The following ABCA13 variants were observed in gnomAD, a reference collection of about 807,000 sequenced individuals.
ABCA13 encodes ATP-binding cassette sub-family A member 13.
ABCA13 carries 476 observed loss-of-function variants against 478.7 expected under a neutral mutation model. The ratio of observed to expected loss-of-function variants is 0.99; its 90% confidence interval spans 0.92 to 1.07. The LOEUF (loss-of-function observed/expected upper bound fraction) is 1.07, where lower values mean the gene tolerates loss of function less well. ABCA13 is among the 50% of genes least tolerant of loss of function. The pLI, the probability that ABCA13 is intolerant of heterozygous loss-of-function variation, is 0.00. For missense variants in ABCA13, 6,060 were observed against 5,910.6 expected, an observed-to-expected ratio of 1.03 and a Z score of -0.83; for synonymous variants, 2,252 against 2,158.9, an observed-to-expected ratio of 1.04 and a Z score of -1.20.
intron 5 of ABCA13, among the ~76,000 whole-genome samples, chr7:48,222,051 C>CA (rs946136893): frequency 9.2e-5 from 14 of 151,530 alleles, no homozygotes; most frequent in African/African-American, 2.9e-4. Flanking sequence ...TTAGACAGCT[C>CA]AAAAAAAATA....
At chr7:48,251,672 ATTATT>A (rs1438885872) in intron 15 of ABCA13, among the ~76,000 whole-genome samples, 1 of 151,750 alleles carries the variant, frequency 6.6e-6, no homozygotes, top group East Asian at 1.9e-4. Context: ...AAATATGTAT[ATTATT>A]TTATTAATTT....
chr7:48,460,431 G>A (rs1417908178), intron 43 of ABCA13, among the ~76,000 whole-genome samples: 1 of 152,086 alleles, frequency 6.6e-6, no homozygotes, highest in Non-Finnish European at 1.5e-5. Context: ...GCCTTGACTT[G>A]TGGCAGCATC....
rs536238169 is a variant in ABCA13 at position 48,362,851 on chromosome 7, G to A, written c.10689-4943G>A. The stretch of plus-strand genomic sequence containing the variant: ...TAATGTTGCCTTTTGTACTGTTAAA[G>A]ACACTTATACTAATATTCTACATTT... On this transcript the variant is annotated intron_variant, in intron 31 of 61. Coordinates refer to ENST00000435803, the MANE Select transcript of ABCA13 (RefSeq NM_152701.5). 1.3e-4 allele frequency among the ~76,000 whole-genome samples: 20 copies of A among 152,036 alleles called. No individual in the cohort carries two copies. The South Asian group carries it at 4.2e-3, about 32-fold the overall frequency.
At chr7:48,583,606 G>T (rs1034587425) in intron 56 of ABCA13, among the ~76,000 whole-genome samples, 1 of 152,138 alleles carries the variant, frequency 6.6e-6, no homozygotes, top group Non-Finnish European at 1.5e-5. Context: ...CAATGCATCC[G>T]CAAACGAAAG....
In ABCA13 at chr7:48,455,356, A is replaced by G. The variant is rs1166915961; in HGVS notation, c.12815+70A>G. 4 of 1,485,858 alleles carry G rather than the reference A, an allele frequency of 2.7e-6. No individual in the cohort carries two copies. The African/African-American group carries it at 5.6e-5, about 21-fold the overall frequency. The allele number at this position is 1,485,858 out of a possible 1,614,324, so 92.0% of individuals were successfully genotyped here. On this transcript the variant is annotated intron_variant, in intron 43 of 61. Transcript: ENST00000435803. ...GATTATGAATTGCAATAGCTTCGAT[A>G]CTTTTGAGAATTCTAGATAAAAACT...
intron 48 of ABCA13, among the ~76,000 whole-genome samples, chr7:48,505,138 G>A (rs544032216): frequency 1.3e-5 from 2 of 152,244 alleles, no homozygotes; most frequent in East Asian, 1.9e-4. Flanking sequence ...CTGTACAGTG[G>A]ATTTGCTGAA....
chr7:48,557,595 G>T (rs1785974519), intron 55 of ABCA13, among the ~76,000 whole-genome samples: 1 of 152,024 alleles, frequency 6.6e-6, no homozygotes, highest in Non-Finnish European at 1.5e-5. Context: ...TATGTTATTT[G>T]TTTCCTTTCT....
intron 27 of ABCA13, among the ~76,000 whole-genome samples, chr7:48,335,137 T>C (rs1181319978): frequency 6.6e-6 from 1 of 152,176 alleles, no homozygotes; most frequent in East Asian, 1.9e-4. Flanking sequence ...ATTTGGTCAG[T>C]ATATACTGGG....
At chr7:48,233,934 A>C in intron 7 of ABCA13, 84 bp from the exon 8 acceptor site, 1 of 1,507,504 alleles carries the variant, frequency 6.6e-7, no homozygotes, top group Non-Finnish European at 9.0e-7. Flanking sequence ...TAGAGGTGAA[A>C]AAAGGTATTT....
At chr7:48,329,772 A>T (rs111065494) in intron 27 of ABCA13, among the ~76,000 whole-genome samples, 8,201 of 132,426 alleles carry the variant, frequency 0.062, 573 homozygotes, top group African/African-American at 0.17. Context: ...CATCTATGCA[A>T]TCATCCACCC....
At chr7:48,404,343 G>T in intron 39 of ABCA13, 1 of 190,372 alleles carries the variant, frequency 5.3e-6, no homozygotes, top group Non-Finnish European at 1.1e-5. Context: ...ATCTATTATT[G>T]TTTCTTTCCA....
intron 7 of ABCA13, among the ~76,000 whole-genome samples, chr7:48,231,373 C>G (rs972692825): frequency 6.6e-6 from 1 of 152,012 alleles, no homozygotes; most frequent in Non-Finnish European, 1.5e-5. Flanking sequence ...GGGAGCATTT[C>G]CAGGAAGAGA....
intron 55 of ABCA13, among the ~76,000 whole-genome samples, chr7:48,562,110 GGGA>G (rs145539822): frequency 0.13 from 18,846 of 146,548 alleles, 1,480 homozygotes; most frequent in African/African-American, 0.2. Context: ...TGTATGGGGG[GGGA>G]GGTGGATACA....
chr7:48,516,852 C>T lies in ABCA13; in HGVS notation c.13768C>T (p.Arg4590Trp), dbSNP rs79049908. The change falls in exon 52 of 62, where the codon CGG (arginine) becomes TGG (tryptophan). Residue 4590 changes from arginine (R) to tryptophan (W), a missense_variant. By Grantham distance (101) the Arg-to-Trp change is moderately radical. This residue lies in a region of ABCA13 where 1,627 missense variants were observed against 1,571.0 expected (regional missense o/e 1.04). Coordinates refer to ENST00000435803, the MANE Select transcript of ABCA13 (RefSeq NM_152701.5). Reference sequence around the variant, plus strand: ...TACCATGCTCATAACCATTATGCCCCGGTTGCTAGCCATCATCTCCAAAGC... The same window carrying T: ...TACCATGCTCATAACCATTATGCCCTGGTTGCTAGCCATCATCTCCAAAGC... ...LCTMLITIMPRLLAIISKAKN... is the reference protein window; with the variant it reads ...LCTMLITIMPWLLAIISKAKN... 3,579 of 1,613,650 alleles carry T rather than the reference C, an allele frequency of 2.2e-3. 7 individuals are homozygous for T. Among genetic ancestry groups the T allele is most frequent in the Non-Finnish European group, 2.8e-3 (3,321 of 1,179,662 alleles).
chr7:48,460,223 T>A (rs542734351), intron 43 of ABCA13, among the ~76,000 whole-genome samples: 44 of 152,226 alleles, frequency 2.9e-4, no homozygotes, highest in African/African-American at 1.1e-3. Context: ...AGAAACTGGG[T>A]GCGTTTTTTA....
chr7:48,582,108 A>G (rs1788762386), intron 56 of ABCA13, among the ~76,000 whole-genome samples: 1 of 152,250 alleles, frequency 6.6e-6, no homozygotes, highest in African/African-American at 2.4e-5. Flanking sequence ...AGTTTAATTG[A>G]GACACAGAGA....
At chr7:48,231,619 C>T (rs1789090533) in intron 7 of ABCA13, among the ~76,000 whole-genome samples, 1 of 152,060 alleles carries the variant, frequency 6.6e-6, no homozygotes, top group Non-Finnish European at 1.5e-5. Context: ...GCAAGTCTTC[C>T]ATCAGCCACT....
intron 15 of ABCA13, among the ~76,000 whole-genome samples, chr7:48,264,498 C>A (rs1794619231): frequency 6.6e-6 from 1 of 151,744 alleles, no homozygotes; most frequent in Admixed American, 6.6e-5. Context: ...TAGTTGTATG[C>A]TATTATGGAT....
intron 35 of ABCA13, among the ~76,000 whole-genome samples, chr7:48,382,714 A>C (rs886095826): frequency 2.0e-5 from 3 of 151,132 alleles, no homozygotes; most frequent in Non-Finnish European, 2.9e-5. Flanking sequence ...TGTTTTGCAT[A>C]GGTGGAAACC....
Sources: gnomAD v4.1 joint callset for allele counts (sites outside exome capture counted in the v4.1 genomes callset) on GRCh38, gnomAD v4.1.1 for gene constraint, gnomAD v4.1.1 regional missense constraint, MANE v1.5 for transcripts, NCBI Gene and HGNC (gene_info 2026-07-23, HGNC 2026-07-21) for gene names.